TNR: variants seen among roughly 807,000 people sequenced by gnomAD.
TNR encodes the protein tenascin R.
TNR carries 45 observed loss-of-function variants against 150.4 expected under a neutral mutation model. The observed-to-expected ratio is 0.30, with a 90% CI of 0.24 to 0.38. TNR has a LOEUF of 0.38. Ranked by LOEUF, TNR falls within the 10% of genes least tolerant of loss-of-function variation. The pLI is 1.00. For synonymous variants in TNR, 687 were observed against 678.4 expected, an observed-to-expected ratio of 1.01 and a Z score of -0.20; for missense variants, 1,544 against 1,759.1, an observed-to-expected ratio of 0.88 and a Z score of 2.19.
intron 9 of TNR, among the ~76,000 whole-genome samples, chr1:175,372,953 G>A (rs149960570): frequency 4.9e-4 from 75 of 152,288 alleles, no homozygotes; most frequent in African/African-American, 1.6e-3. Context: ...GTCAATCTGC[G>A]ATTTTTATAG....
intron 2 of TNR, among the ~76,000 whole-genome samples, chr1:175,506,064 T>C (rs554904743): frequency 5.9e-5 from 9 of 152,182 alleles, no homozygotes; most frequent in Non-Finnish European, 1.3e-4. Context: ...AAATGGATTC[T>C]ATAAATGATG....
intron 2 of TNR, among the ~76,000 whole-genome samples, chr1:175,419,699 C>A (rs574668659): frequency 3.9e-5 from 6 of 152,230 alleles, no homozygotes; most frequent in Admixed American, 2.0e-4. Flanking sequence ...CCAAGCTGGT[C>A]TCAAACTCCT....
chr1:175,417,039 G>GAAAA (rs1435772329), intron 2 of TNR, among the ~76,000 whole-genome samples: 3 of 99,510 alleles, frequency 3.0e-5, no homozygotes. Flanking sequence ...AAGAAAGAAA[G>GAAAA]AAAGAAAGAA....
At chr1:175,374,717 G>T (rs745492646) in intron 9 of TNR, among the ~76,000 whole-genome samples, 2 of 152,204 alleles carry the variant, frequency 1.3e-5, no homozygotes, top group Non-Finnish European at 2.9e-5. Flanking sequence ...TAGTCCTGGT[G>T]CAGGGAGAGG....
chr1:175,402,982 C>T (rs778562463), intron 4 of TNR, among the ~76,000 whole-genome samples, 158 bp downstream of exon 4: 1 of 152,206 alleles, frequency 6.6e-6, no homozygotes, highest in Non-Finnish European at 1.5e-5. Context: ...GACTCAAGAA[C>T]TCAGCTCTCT....
intron 1 of TNR, among the ~76,000 whole-genome samples, chr1:175,678,515 A>G (rs1665933422): frequency 6.6e-6 from 1 of 152,188 alleles, no homozygotes; most frequent in Non-Finnish European, 1.5e-5. Flanking sequence ...TCTCCTCTGG[A>G]AGACACAGTG....
intron 13 of TNR, among the ~76,000 whole-genome samples, chr1:175,363,082 A>C (rs1651676985): frequency 1.3e-5 from 2 of 152,258 alleles, no homozygotes; most frequent in Non-Finnish European, 2.9e-5. Context: ...AGACAATGAC[A>C]TTAAGGCAGT....
intron 3 of TNR, 88 bp from the exon 4 acceptor site, chr1:175,403,704 C>G: frequency 9.5e-7 from 1 of 1,057,646 alleles, no homozygotes; most frequent in Non-Finnish European, 1.4e-6. Context: ...CCTCTCTACT[C>G]ATTCTCTGAC....
intron 1 of TNR, among the ~76,000 whole-genome samples, chr1:175,576,665 A>G (rs752798148): frequency 6.6e-6 from 1 of 152,082 alleles, no homozygotes; most frequent in African/African-American, 2.4e-5. Context: ...TACTTCATAA[A>G]CTTTACTATC....
At chr1:175,492,996 G>T (rs557035649) in intron 2 of TNR, among the ~76,000 whole-genome samples, 3 of 152,112 alleles carry the variant, frequency 2.0e-5, no homozygotes, top group Non-Finnish European at 4.4e-5. Flanking sequence ...AGCAGGAGGT[G>T]GGTGGGTAGT....
Position 175,323,427 on chromosome 1 carries a change from A to G in TNR, c.4007T>C (p.Val1336Ala). 1 of 1,614,022 alleles carries G rather than the reference A, an allele frequency of 6.2e-7. No homozygotes were observed. Among genetic ancestry groups the G allele is most frequent in the Non-Finnish European group, 8.5e-7 (1 of 1,179,954 alleles). The change falls in exon 23 of 23, where the codon GTG becomes GCG. Residue 1336 changes from valine (V) to alanine (A), a missense_variant. Val to Ala is a moderately conservative substitution (Grantham distance 64). This residue lies in a region of TNR where 290 missense variants were observed against 429.7 expected (regional missense o/e 0.67). Coordinates refer to ENST00000367674, the MANE Select transcript of TNR (RefSeq NM_003285.3). ...WKGHEFSIPF[V>A]EMKMRPYNHR... ...GTTGTAGGGGCGCATCTTCATTTCC[A>G]CAAAGGGGATGGAGAACTCATGGCC...
Position 175,317,973 on chromosome 1 carries a change from T to A in TNR, c.*5384A>T, listed in dbSNP as rs1395097174. The A allele has an allele frequency of 6.6e-6, 1 of 152,258 alleles. No homozygotes were observed. The highest frequency in any genetic ancestry group is 3.4e-3 in the Middle Eastern group (1 of 294). The allele number at this position is 152,258 out of a possible 1,614,324, so 9.4% of individuals were successfully genotyped here. A position where few individuals can be genotyped will look rare whatever the true frequency, so the allele number is the denominator to read the frequency against. ...GGACAATGAAGTGCTGCAGGTGCAA[T>A]GAAGTCATGTTTCAGGCAAAGATTG... On this transcript the variant is annotated 3_prime_UTR_variant, in exon 23 of 23. Coordinates refer to ENST00000367674, the MANE Select transcript of TNR (RefSeq NM_003285.3).
At chr1:175,402,762 G>A (rs78086891) in intron 4 of TNR, among the ~76,000 whole-genome samples, 46 of 152,232 alleles carry the variant, frequency 3.0e-4, no homozygotes, top group African/African-American at 1.0e-3. Flanking sequence ...CAGGTGGAAC[G>A]CTTGGGATCC....
intron 2 of TNR, among the ~76,000 whole-genome samples, chr1:175,448,366 C>G (rs1259237897): frequency 1.2e-4 from 18 of 152,154 alleles, no homozygotes; most frequent in Non-Finnish European, 1.5e-5. Context: ...TGTGTGCCAC[C>G]ACGCCTGGCT....
At chr1:175,420,047 C>G (rs1024060240) in intron 2 of TNR, among the ~76,000 whole-genome samples, 1 of 152,208 alleles carries the variant, frequency 6.6e-6, no homozygotes, top group Non-Finnish European at 1.5e-5. Context: ...CTGCCTCGGG[C>G]TGGCTGTGCC....
chr1:175,365,333 G>GGGCTAGAAGAACTTCTT (rs1651784981), intron 11 of TNR, 54 bp from the exon 12 acceptor site: 1 of 1,529,722 alleles, frequency 6.5e-7, no homozygotes, highest in Admixed American at 2.0e-5. Context: ...ATGGGTCACT[G>GGGCTAGAAGAACTTCTT]GGCTAGAAGA....
In TNR at chr1:175,391,145, C is replaced by T. The variant is rs1571375398; in HGVS notation, c.1507+143G>A. On this transcript the variant is annotated intron_variant, in intron 7 of 22. Transcript: ENST00000367674. ...ATGAGCTAAGCATCTGGTAGAGTAG[C>T]TCCATTGCCAGGTACCAGAATTGTC... 65 of 938,516 alleles carry T rather than the reference C, an allele frequency of 6.9e-5. No individual in the cohort carries two copies. The South Asian group carries it at 1.1e-3, about 16-fold the overall frequency. The allele number at this position is 938,516 out of a possible 1,614,324, so 58.1% of individuals were successfully genotyped here.
At chr1:175,741,903 C>A (rs1192174032) in intron 1 of TNR, among the ~76,000 whole-genome samples, 1 of 152,180 alleles carries the variant, frequency 6.6e-6, no homozygotes, top group Non-Finnish European at 1.5e-5. Context: ...CCTGTCTCAA[C>A]ACACTTGAAG....
chr1:175,628,940 C>T (rs927486217), intron 1 of TNR, among the ~76,000 whole-genome samples: 63 of 152,302 alleles, frequency 4.1e-4, no homozygotes, highest in African/African-American at 1.5e-3. Context: ...AAAGAAATCT[C>T]ATTTTCTCTC....
Sources: gnomAD v4.1 joint callset for allele counts (sites outside exome capture counted in the v4.1 genomes callset) on GRCh38, gnomAD v4.1.1 for gene constraint, gnomAD v4.1.1 regional missense constraint, MANE v1.5 for transcripts, NCBI Gene and HGNC (gene_info 2026-07-23, HGNC 2026-07-21) for gene names.